The following CSPP1 variants were observed in gnomAD, a reference collection of about 807,000 sequenced individuals.
CSPP1 encodes the protein centrosome and spindle pole-associated protein 1.
Under a neutral mutation model 164.4 loss-of-function variants are expected in CSPP1, and 126 were observed. The observed-to-expected ratio is 0.77, with a 90% CI of 0.66 to 0.89. The LOEUF (loss-of-function observed/expected upper bound fraction) is 0.89, where lower values mean the gene tolerates loss of function less well. CSPP1 is among the 40% of genes least tolerant of loss of function. The probability of loss-of-function intolerance (pLI) is 0.00; values close to 1 mark genes in which losing one functional copy is unlikely to be tolerated. For missense variants in CSPP1, 1,395 were observed against 1,449.8 expected (o/e 0.96, Z 0.61); for synonymous variants, 472 against 476.7 (o/e 0.99, Z 0.13).
At chr8:67,176,681 G>A (rs951167183) in intron 26 of CSPP1, among the ~76,000 whole-genome samples, 23 of 152,132 alleles carry the variant, frequency 1.5e-4, no homozygotes, top group African/African-American at 4.8e-4. Flanking sequence ...TAGTCCCCAT[G>A]TGGATACAGG....
chr8:67,134,346 A>G (rs1821805906), intron 16 of CSPP1: 1 of 152,190 alleles, frequency 6.6e-6, no homozygotes, highest in Non-Finnish European at 1.5e-5. Flanking sequence ...TGACAACAAC[A>G]TTAACCTTCT....
intron 25 of CSPP1, chr8:67,174,295 T>C (rs777840830): frequency 6.6e-6 from 1 of 152,172 alleles, no homozygotes; most frequent in African/African-American, 2.4e-5. Context: ...CACTATTTTG[T>C]TCTTTTGATA....
chr8:67,155,833 G>T (rs1826563560), intron 19 of CSPP1, among the ~76,000 whole-genome samples: 1 of 152,158 alleles, frequency 6.6e-6, no homozygotes, highest in African/African-American at 2.4e-5. Context: ...GGATTAAAAA[G>T]AGTGGAAGCA....
At chr8:67,088,278 T>A (rs867828133) in intron 4 of CSPP1, among the ~76,000 whole-genome samples, 57 of 152,042 alleles carry the variant, frequency 3.7e-4, no homozygotes, top group African/African-American at 1.3e-3. Flanking sequence ...TTTTTAAGAT[T>A]TTTTTGTTTG....
chr8:67,118,832 A>T lies in CSPP1; in HGVS notation c.1697+11A>T. 6.3e-7 allele frequency: 1 copy of T among 1,577,888 alleles called. No individual in the cohort carries two copies. On this transcript the variant is annotated intron_variant, in intron 15 of 30. Coordinates refer to ENST00000678616, the MANE Select transcript of CSPP1 (RefSeq NM_001382391.1). ...AGCACAACCTGTTGTGTAAGTTATT[A>T]GTTAAAAGAATAATTTTTTCCCCAC...
Position 67,196,287 on chromosome 8 carries a change from T to TCTAGA in CSPP1, c.*699_*703dup, listed in dbSNP as rs1260784246. 1 of 152,258 alleles carries TCTAGA rather than the reference T, an allele frequency of 6.6e-6. No individual in the cohort carries two copies. Among genetic ancestry groups the TCTAGA allele is most frequent in the East Asian group, 1.9e-4 (1 of 5,204 alleles). The allele number at this position is 152,258 out of a possible 1,614,324, so 9.4% of individuals were successfully genotyped here. On this transcript the variant is annotated 3_prime_UTR_variant, in exon 31 of 31. Coordinates refer to ENST00000678616, the MANE Select transcript of CSPP1 (RefSeq NM_001382391.1). ...AATCTTTTTAACTACTATGGAGCTT[T>TCTAGA]CTAGACTAGTTTTCTAGAGGTTGAA...
At chr8:67,161,039 G>C (rs1227680124) in intron 21 of CSPP1, among the ~76,000 whole-genome samples, 1 of 152,058 alleles carries the variant, frequency 6.6e-6, no homozygotes, top group Non-Finnish European at 1.5e-5. Context: ...GGCTGGTCTT[G>C]AACTCCTGTC....
chr8:67,081,347 A>G (rs1172144008), intron 3 of CSPP1, among the ~76,000 whole-genome samples: 1 of 151,614 alleles, frequency 6.6e-6, no homozygotes, highest in East Asian at 1.9e-4. Flanking sequence ...GAAACTGGAG[A>G]CAAAGGATTC....
At chr8:67,124,999 A>G (rs1254256207) in intron 15 of CSPP1, among the ~76,000 whole-genome samples, 1 of 152,150 alleles carries the variant, frequency 6.6e-6, no homozygotes, top group East Asian at 1.9e-4. Flanking sequence ...TCAAATAGAG[A>G]AGAATAAAGT....
At chr8:67,187,767 A>C (rs1440417072) in intron 28 of CSPP1, among the ~76,000 whole-genome samples, 1 of 152,230 alleles carries the variant, frequency 6.6e-6, no homozygotes, top group Non-Finnish European at 1.5e-5. Context: ...AAAGGACCAA[A>C]GGCAGTATTA....
intron 30 of CSPP1, among the ~76,000 whole-genome samples, chr8:67,194,855 GTTAGA>G (rs887683198): frequency 6.6e-6 from 1 of 152,160 alleles, no homozygotes; most frequent in Non-Finnish European, 1.5e-5. Context: ...ACACGGCCTT[GTTAGA>G]TTAGGTGTTT....
At position 67,158,507 on chromosome 8, in the gene CSPP1, A is replaced by G; in HGVS notation, c.2302A>G (p.Lys768Glu). Residue 768 changes from lysine (K) to glutamate (E), a missense_variant, in exon 20 of 31, where the codon AAA (lysine) becomes GAA (glutamate). By Grantham distance (56) the Lys-to-Glu change is moderately conservative. Coordinates refer to ENST00000678616, the MANE Select transcript of CSPP1 (RefSeq NM_001382391.1). ...AGAGAGACTGAGAATTGCAGAAGAA[A>G]AAGAAGAAAGACGGCTTGCAGAACA... The part of the protein sequence containing the change: ...ERERLRIAEE[K>E]EERRLAEQRA... 1.2e-6 allele frequency: 2 copies of G among 1,613,342 alleles called. No individual in the cohort carries two copies. The highest frequency in any genetic ancestry group is 1.1e-5 in the South Asian group (1 of 90,948).
chr8:67,170,365 G>A (rs1830240333), intron 24 of CSPP1, among the ~76,000 whole-genome samples: 1 of 152,112 alleles, frequency 6.6e-6, no homozygotes, highest in Non-Finnish European at 1.5e-5. Context: ...GCTGAGGCAG[G>A]AGAATTGCTT....
chr8:67,077,168 G>A (rs1256437569), intron 3 of CSPP1, among the ~76,000 whole-genome samples: 1 of 151,782 alleles, frequency 6.6e-6, no homozygotes, highest in African/African-American at 2.4e-5. Flanking sequence ...ATTAAAGACA[G>A]GGTCTCTCTC....
chr8:67,155,260 C>T (rs1826454676), intron 19 of CSPP1, among the ~76,000 whole-genome samples: 1 of 152,206 alleles, frequency 6.6e-6, no homozygotes, highest in African/African-American at 2.4e-5. Flanking sequence ...TCAGATTAAT[C>T]TTATGGCCTG....
chr8:67,122,970 T>G (rs1819272784), intron 15 of CSPP1: 1 of 152,572 alleles, frequency 6.6e-6, no homozygotes, highest in Non-Finnish European at 1.5e-5. Context: ...GACCATAGTT[T>G]GCTGTAGCCT....
At position 67,109,704 on chromosome 8, in the gene CSPP1, AC is replaced by A. The variant is rs372341508; in HGVS notation, c.1094-2264del. On this transcript the variant is annotated intron_variant, in intron 9 of 30. Transcript: ENST00000678616. ...GCAGTTTCTCATTGTCCGAACTAGT[AC>A]CCCAGGTTCTTTGTCCCATATCCGA... is the stretch of plus-strand genomic sequence containing the variant. Among the ~76,000 whole-genome samples, 285 of 152,150 alleles carry A rather than the reference AC, an allele frequency of 1.9e-3. 4 individuals carry two copies. The highest frequency in any genetic ancestry group is 6.6e-3 in the African/African-American group (274 of 41,492).
At chr8:67,133,796 T>C (rs1389745805) in intron 16 of CSPP1, 1 of 152,262 alleles carries the variant, frequency 6.6e-6, no homozygotes, top group Non-Finnish European at 1.5e-5. Context: ...GCTGATGCTT[T>C]ATCAACTTAG....
chr8:67,188,413 C>A (rs1044841800), intron 28 of CSPP1, among the ~76,000 whole-genome samples: 2 of 152,100 alleles, frequency 1.3e-5, no homozygotes, highest in African/African-American at 4.8e-5. Flanking sequence ...AAAGAGGGCT[C>A]ACTAAAATAC....
Sources: gnomAD v4.1 joint callset for allele counts (sites outside exome capture counted in the v4.1 genomes callset) on GRCh38, gnomAD v4.1.1 for gene constraint, MANE v1.5 for transcripts, NCBI Gene and HGNC (gene_info 2026-07-23, HGNC 2026-07-21) for gene names.